Variants in BACH2 observed in about 807,000 individuals in gnomAD.
BACH2 encodes the protein BACH transcriptional regulator 2, also known as transcription regulator protein BACH2.
In BACH2, 5 loss-of-function variants were observed where a neutral mutation model predicts 61.8. The observed-to-expected ratio is 0.08, with a 90% CI of 0.04 to 0.17. The LOEUF is 0.17. Ranked by LOEUF, BACH2 falls within the 10% of genes least tolerant of loss-of-function variation. The pLI is 1.00. For synonymous variants in BACH2, 446 were observed against 440.1 expected (o/e 1.01, Z -0.17); for missense variants, 824 against 1,091.1 (o/e 0.76, Z 3.45).
intron 4 of BACH2, among the ~76,000 whole-genome samples, chr6:90,187,153 A>G (rs190605683): frequency 1.7e-4 from 26 of 152,372 alleles, no homozygotes; most frequent in African/African-American, 6.3e-4. Flanking sequence ...TATTGAGAAC[A>G]CGGCAATACT....
chr6:89,981,002 G>C (rs1167359655), intron 6 of BACH2, among the ~76,000 whole-genome samples: 1 of 151,302 alleles, frequency 6.6e-6, no homozygotes, highest in Non-Finnish European at 1.5e-5. Context: ...ATGACAAATG[G>C]TCTAAATTCT....
At chr6:90,125,563 A>G (rs894255670) in intron 4 of BACH2, among the ~76,000 whole-genome samples, 1 of 152,354 alleles carries the variant, frequency 6.6e-6, no homozygotes, top group South Asian at 2.1e-4. Flanking sequence ...AGGAAAGAGA[A>G]CAGTTGCATC....
At chr6:90,020,045 T>A (rs1201132407) in intron 5 of BACH2, among the ~76,000 whole-genome samples, 1 of 152,256 alleles carries the variant, frequency 6.6e-6, no homozygotes, top group Non-Finnish European at 1.5e-5. Flanking sequence ...CGTGGAGCTG[T>A]TGTTAGACTA....
At chr6:90,184,630 G>A (rs934673576) in intron 4 of BACH2, among the ~76,000 whole-genome samples, 1 of 152,246 alleles carries the variant, frequency 6.6e-6, no homozygotes, top group Non-Finnish European at 1.5e-5. Flanking sequence ...CTTCAGGGAT[G>A]ATGAGGCAAC....
chr6:90,060,449 T>C (rs979261246), intron 5 of BACH2, among the ~76,000 whole-genome samples: 2 of 152,210 alleles, frequency 1.3e-5, no homozygotes, highest in African/African-American at 4.8e-5. Flanking sequence ...TTTGATAATT[T>C]TTTTTTATTA....
At chr6:90,038,152 T>C (rs540953739) in intron 5 of BACH2, among the ~76,000 whole-genome samples, 175 of 152,302 alleles carry the variant, frequency 1.1e-3, no homozygotes, top group African/African-American at 3.6e-3. Context: ...TTAAAGAAGA[T>C]TTTCCCCTTT....
intron 6 of BACH2, among the ~76,000 whole-genome samples, chr6:90,006,619 T>C (rs570726322): frequency 6.6e-6 from 1 of 152,292 alleles, no homozygotes; most frequent in Middle Eastern, 3.4e-3. Flanking sequence ...TCCTTATTTA[T>C]TTATTTATTT....
intron 5 of BACH2, among the ~76,000 whole-genome samples, chr6:90,066,551 A>G (rs1005846883): frequency 6.6e-6 from 1 of 152,214 alleles, no homozygotes; most frequent in Admixed American, 6.5e-5. Flanking sequence ...CTAGCCTGGG[A>G]GATGGTGGGA....
chr6:90,112,297 T>C (rs1247464726), intron 4 of BACH2, among the ~76,000 whole-genome samples: 1 of 152,156 alleles, frequency 6.6e-6, no homozygotes, highest in Admixed American at 6.5e-5. Context: ...AGACACATAA[T>C]TGTCAGATTT....
intron 4 of BACH2, among the ~76,000 whole-genome samples, chr6:90,117,412 A>C (rs1328546070): frequency 6.6e-6 from 1 of 151,438 alleles, no homozygotes; most frequent in East Asian, 1.9e-4. Context: ...ACTTCTCCTC[A>C]GAACCTTTCT....
At chr6:90,080,221 CA>C (rs1385337924) in intron 5 of BACH2, among the ~76,000 whole-genome samples, 15 of 152,094 alleles carry the variant, frequency 9.9e-5, no homozygotes, top group Admixed American at 5.9e-4. Flanking sequence ...ATTTCTAAAA[CA>C]GAGCGGGCTG....
At position 89,960,497 on chromosome 6, in the gene BACH2, T is replaced by C. The variant is rs989098532; in HGVS notation, c.244-8635A>G. On this transcript the variant is annotated intron_variant, in intron 6 of 8. Coordinates refer to ENST00000257749, the MANE Select transcript of BACH2 (RefSeq NM_021813.4). Reference sequence around the variant, plus strand: ...ACTCTCTCTAAAATATTGTTTTATATAGCTCTATCCAAAGAAGTCTGGCCA... The same window carrying C: ...ACTCTCTCTAAAATATTGTTTTATACAGCTCTATCCAAAGAAGTCTGGCCA... Among the ~76,000 whole-genome samples the C allele has an allele frequency of 2.6e-4, 39 of 152,276 alleles. 1 individual carries two copies. Among genetic ancestry groups the C allele is most frequent in the Admixed American group, 2.6e-4 (4 of 15,290 alleles).
intron 4 of BACH2, among the ~76,000 whole-genome samples, chr6:90,125,453 C>T (rs77208492): frequency 0.034 from 5,244 of 152,262 alleles, 119 homozygotes; most frequent in South Asian, 0.088. Context: ...TTATCCTCTG[C>T]CGTCAGGAAT....
At chr6:90,032,957 C>G (rs1377131510) in intron 5 of BACH2, among the ~76,000 whole-genome samples, 1 of 152,022 alleles carries the variant, frequency 6.6e-6, no homozygotes, top group Non-Finnish European at 1.5e-5. Context: ...GGAACCAACC[C>G]AAATGTCCAA....
intron 4 of BACH2, among the ~76,000 whole-genome samples, chr6:90,202,836 G>T (rs1769001397): frequency 6.6e-6 from 1 of 152,110 alleles, no homozygotes; most frequent in Non-Finnish European, 1.5e-5. Context: ...TTGCTAGTGT[G>T]TTTTCTGTGA....
intron 6 of BACH2, among the ~76,000 whole-genome samples, chr6:90,007,758 G>A (rs1042891137): frequency 4.6e-5 from 7 of 152,160 alleles, no homozygotes; most frequent in Non-Finnish European, 1.0e-4. Context: ...GTACTCCTGG[G>A]AGTTACAAAG....
chr6:89,981,858 A>G (rs1227246245), intron 6 of BACH2, among the ~76,000 whole-genome samples: 3 of 152,198 alleles, frequency 2.0e-5, no homozygotes, highest in Non-Finnish European at 4.4e-5. Context: ...ACAGAGTTAT[A>G]CGGAGCTCCT....
intron 3 of BACH2, among the ~76,000 whole-genome samples, chr6:90,239,517 C>A (rs1236046336): frequency 2.0e-5 from 3 of 152,074 alleles, no homozygotes; most frequent in Admixed American, 1.3e-4. Flanking sequence ...AAGAACATAG[C>A]CACCCTGTAA....
chr6:89,962,210 C>T (rs577741450), intron 6 of BACH2, among the ~76,000 whole-genome samples: 13 of 152,322 alleles, frequency 8.5e-5, no homozygotes, highest in South Asian at 2.1e-4. Context: ...GGGGGCTTTA[C>T]TTCATCCAGT....
Sources: allele counts gnomAD v4.1 joint callset (sites outside exome capture counted in the v4.1 genomes callset), GRCh38; gene constraint gnomAD v4.1.1; transcripts MANE v1.5; gene names NCBI Gene and HGNC (gene_info 2026-07-23, HGNC 2026-07-21).